Variants in SELENOI observed in about 807,000 individuals in gnomAD.
SELENOI encodes the protein selenoprotein I.
In SELENOI, 24 loss-of-function variants were observed where a neutral mutation model predicts 50.7. The ratio of observed to expected loss-of-function variants is 0.47; its 90% CI spans 0.34 to 0.67. SELENOI has a LOEUF of 0.67. Ranked by LOEUF, SELENOI falls within the 30% of genes least tolerant of loss-of-function variation. The pLI, the probability that SELENOI is intolerant of heterozygous loss-of-function variation, is 0.01. For missense variants in SELENOI, 352 were observed against 461.4 expected (o/e 0.76, Z 2.17); for synonymous variants, 155 against 170.2 (o/e 0.91, Z 0.70).
intron 1 of SELENOI, 182 bp downstream of exon 1, chr2:26,346,471 G>A: frequency 3.1e-6 from 2 of 653,246 alleles, no homozygotes; most frequent in Non-Finnish European, 2.4e-6. Flanking sequence ...AGCATCCTAA[G>A]CCCGCCGCCC....
At chr2:26,373,955 T>TC (rs1344151259) in intron 5 of SELENOI, among the ~76,000 whole-genome samples, 25 of 152,270 alleles carry the variant, frequency 1.6e-4, no homozygotes, top group Admixed American at 1.4e-3. Flanking sequence ...TTTCACTATG[T>TC]TGGCTGGGCT....
intron 6 of SELENOI, among the ~76,000 whole-genome samples, chr2:26,375,376 A>T (rs982559365): frequency 8.5e-5 from 13 of 152,228 alleles, no homozygotes; most frequent in Admixed American, 7.2e-4. Context: ...GGGAAATACC[A>T]AAATAGATCA....
At chr2:26,357,889 A>G (rs11884140) in intron 1 of SELENOI, among the ~76,000 whole-genome samples, 3,612 of 152,022 alleles carry the variant, frequency 0.024, 119 homozygotes, top group African/African-American at 0.081. Context: ...ACCCATTCGG[A>G]GAAATTGAAC....
At chr2:26,376,278 A>G (rs975603059) in intron 6 of SELENOI, among the ~76,000 whole-genome samples, 4 of 152,170 alleles carry the variant, frequency 2.6e-5, no homozygotes, top group African/African-American at 7.2e-5. Context: ...TTTAGGAACT[A>G]TCTTGAAATC....
intron 1 of SELENOI, among the ~76,000 whole-genome samples, chr2:26,360,738 CTT>C (rs1255481462): frequency 6.6e-6 from 1 of 152,088 alleles, no homozygotes; most frequent in Non-Finnish European, 1.5e-5. Context: ...TGGGTGCAGA[CTT>C]TTGTGAAGTA....
intron 7 of SELENOI, among the ~76,000 whole-genome samples, chr2:26,384,604 T>C (rs994230417): frequency 3.9e-5 from 6 of 152,206 alleles, no homozygotes; most frequent in Admixed American, 2.0e-4. Flanking sequence ...TATGTTCATC[T>C]TATTTACCCC....
At chr2:26,352,244 A>G (rs1039677578) in intron 1 of SELENOI, among the ~76,000 whole-genome samples, 4 of 152,196 alleles carry the variant, frequency 2.6e-5, no homozygotes, top group Non-Finnish European at 5.9e-5. Flanking sequence ...ACAGGATCAC[A>G]TTTCAATTTT....
In SELENOI at chr2:26,375,138, A is replaced by T. The variant is rs764436704; in HGVS notation, c.672A>T (p.Ala224=). 6.3e-7 allele frequency: 1 copy of T among 1,598,398 alleles called. No individual in the cohort carries two copies. The highest frequency in any genetic ancestry group is 8.6e-7 in the Non-Finnish European group (1 of 1,167,732). ...TCTTATATAGAGACCTATTCACTGC[A>T]ATGATTATTGGTAAGAAGCTCCATG... ...FNFLYRDLFT[A]MIIGCALCVT... The change falls in exon 6 of 10, where the codon GCA becomes GCT. Residue 224 remains alanine, a synonymous_variant. Coordinates refer to ENST00000260585, the MANE Select transcript of SELENOI (RefSeq NM_033505.4).
intron 4 of SELENOI, among the ~76,000 whole-genome samples, chr2:26,370,334 C>T (rs959573968): frequency 5.9e-5 from 9 of 151,774 alleles, no homozygotes; most frequent in Non-Finnish European, 1.3e-4. Context: ...TCCACAAAGC[C>T]GCCATTGTCA....
chr2:26,384,567 G>T (rs561098092), intron 7 of SELENOI, among the ~76,000 whole-genome samples: 4 of 152,096 alleles, frequency 2.6e-5, no homozygotes, highest in Non-Finnish European at 5.9e-5. Context: ...TGTCAAAGCC[G>T]CACTTTGAGG....
intron 7 of SELENOI, among the ~76,000 whole-genome samples, chr2:26,384,165 A>G (rs1010460691): frequency 4.0e-4 from 61 of 152,206 alleles, no homozygotes; most frequent in African/African-American, 1.4e-3. Context: ...TGGTTGAAAC[A>G]TTTTCTTACA....
At chr2:26,381,009 A>G (rs185055191) in intron 6 of SELENOI, among the ~76,000 whole-genome samples, 151 of 150,852 alleles carry the variant, frequency 1.0e-3, no homozygotes, top group South Asian at 7.1e-3. Flanking sequence ...TATATTAGGT[A>G]TATTAATCCT....
At chr2:26,351,269 G>A (rs2147943193) in intron 1 of SELENOI, among the ~76,000 whole-genome samples, 1 of 152,172 alleles carries the variant, frequency 6.6e-6, no homozygotes, top group African/African-American at 2.4e-5. Context: ...TGTTGGCCAG[G>A]GTGGTCTTGA....
chr2:26,381,017 C>A (rs559580672), intron 6 of SELENOI, among the ~76,000 whole-genome samples: 61 of 148,226 alleles, frequency 4.1e-4, no homozygotes, highest in Non-Finnish European at 8.2e-4. Flanking sequence ...GTATATTAAT[C>A]CTTTGATATA....
Position 26,364,371 on chromosome 2 carries a change from G to T in SELENOI, c.126+1G>T. The T allele has an allele frequency of 6.5e-7, 1 of 1,538,022 alleles. No individual in the cohort carries two copies. Among genetic ancestry groups the T allele is most frequent in the Non-Finnish European group, 8.8e-7 (1 of 1,132,264 alleles). ...TCCATTCTGGAACACTATAGTAAAG[G>T]TAAGATAATTAATATGTATGTACTT... On this transcript the variant is annotated splice_donor_variant, in intron 2 of 9. Transcript: ENST00000260585. LOFTEE classifies it high-confidence loss of function.
rs1468650996 is a variant in SELENOI, at chr2:26,395,325, GTCTT to G, written c.*6223_*6226del. 6.6e-6 allele frequency: 1 copy of G among 152,184 alleles called. No individual in the cohort carries two copies. The highest frequency in any genetic ancestry group is 1.5e-5 in the Non-Finnish European group (1 of 68,044). 9.4% of individuals were successfully genotyped at this position (152,184 alleles called of 1,614,324 possible). A position where few individuals can be genotyped will look rare whatever the true frequency, so the allele number is the denominator to read the frequency against. Reference sequence around the variant, plus strand: ...CCTGATCTGGAGCCACAGTCTGTCTGTCTTCCAGTTCATCTCAGTCCTCGAGAAA... The same window carrying G: ...CCTGATCTGGAGCCACAGTCTGTCTGCCAGTTCATCTCAGTCCTCGAGAAA... On this transcript the variant is annotated 3_prime_UTR_variant, in exon 10 of 10. Transcript: ENST00000260585.
intron 6 of SELENOI, 130 bp downstream of exon 6, chr2:26,375,278 T>TGTC: frequency 1.8e-6 from 1 of 557,928 alleles, no homozygotes; most frequent in East Asian, 3.1e-5. Flanking sequence ...CCCTACAACC[T>TGTC]TGTAGGATTT....
At position 26,386,522 on chromosome 2, in the gene SELENOI, T is replaced by A; in HGVS notation, c.1081T>A (p.Tyr361Asn). 1 of 1,610,332 alleles carries A rather than the reference T, an allele frequency of 6.2e-7. No homozygotes were observed. The highest frequency in any genetic ancestry group is 8.5e-7 in the Non-Finnish European group (1 of 1,178,550). The change falls in exon 9 of 10, where the codon TAT becomes AAT. Residue 361 changes from tyrosine to asparagine, a missense_variant. Physicochemically the swap from Tyr to Asn is moderately radical, Grantham distance 143. Transcript: ENST00000260585. ...TGCTTTTACTCTGGCCCACATCCAT[T>A]ATGGAGTACGAGTGGTGAGTAATCT... The part of the protein sequence containing the change: ...TTAFTLAHIH[Y>N]GVRVVKQLSS...
chr2:26,373,872 C>T (rs1677509785), intron 5 of SELENOI, among the ~76,000 whole-genome samples: 1 of 152,064 alleles, frequency 6.6e-6, no homozygotes, highest in Non-Finnish European at 1.5e-5. Context: ...AGGCTGAGGC[C>T]TCCCGAGTAG....
Sources: allele counts gnomAD v4.1 joint callset (sites outside exome capture counted in the v4.1 genomes callset), GRCh38; gene constraint gnomAD v4.1.1; transcripts MANE v1.5; gene names NCBI Gene and HGNC (gene_info 2026-07-23, HGNC 2026-07-21).